EML3: variants seen among roughly 807,000 people sequenced by gnomAD.
EML3 encodes the protein echinoderm microtubule-associated protein-like 3.
A neutral mutation model predicts 106.7 loss-of-function variants in EML3; 53 were observed. The ratio of observed to expected loss-of-function variants is 0.50; its 90% CI spans 0.40 to 0.62. EML3 has a LOEUF of 0.62. EML3 is among the 20% of genes least tolerant of loss of function. The pLI is 0.00. For missense variants in EML3, 994 were observed against 1,209.1 expected, an observed-to-expected ratio of 0.82 and a Z score of 2.64; for synonymous variants, 499 against 489.6, an observed-to-expected ratio of 1.02 and a Z score of -0.25.
chr11:62,607,904 A>T, intron 10 of EML3, 83 bp from the exon 11 acceptor site: 1 of 1,521,222 alleles, frequency 6.6e-7, no homozygotes, highest in South Asian at 1.2e-5. Flanking sequence ...GCATCATGAC[A>T]GCTGGCTGGC....
intron 10 of EML3, 108 bp downstream of exon 10, chr11:62,608,093 T>C (rs2134382076): frequency 8.8e-7 from 1 of 1,135,768 alleles, no homozygotes; most frequent in Middle Eastern, 2.7e-4. Flanking sequence ...TTGCCCCATG[T>C]GACCCAGCCA....
rs768206799 is a variant in EML3 at position 62,611,147 on chromosome 11, G to A, written c.392C>T (p.Ala131Val). Reference sequence around the variant, plus strand: ...GATCCCCGGGGGGCCAGGGGAGCCAGCACCACTGCTGCTGCTGCCCCCTCC... The same window carrying A: ...GATCCCCGGGGGGCCAGGGGAGCCAACACCACTGCTGCTGCTGCCCCCTCC... Reference protein sequence around the residue: ...SEGGGSSSSGAGSPGPPGILR... With the variant: ...SEGGGSSSSGVGSPGPPGILR... Residue 131 changes from alanine to valine, a missense_variant, in exon 3 of 22, where the codon GCT (alanine) becomes GTT (valine). By Grantham distance (64) the Ala-to-Val change is moderately conservative. This residue lies in a region of EML3 where 269 missense variants were observed against 265.1 expected (regional missense o/e 1.01). Transcript: ENST00000394773. 6.2e-7 allele frequency: 1 copy of A among 1,600,762 alleles called. No individual in the cohort carries two copies. The highest frequency in any genetic ancestry group is 8.5e-7 in the Non-Finnish European group (1 of 1,178,336).
chr11:62,606,526 T>C, intron 12 of EML3: 2 of 413,702 alleles, frequency 4.8e-6, no homozygotes, highest in South Asian at 6.6e-5. Flanking sequence ...GCTTCTAGAC[T>C]AGCCCCCAAG....
In EML3 at chr11:62,606,087, C is replaced by T; in HGVS notation, c.1632G>A (p.Gly544=). 1 of 1,614,008 alleles carries T rather than the reference C, an allele frequency of 6.2e-7. No individual in the cohort carries two copies. The highest frequency in any genetic ancestry group is 8.5e-7 in the Non-Finnish European group (1 of 1,180,016). The part of the protein sequence containing the change: ...RDRRLVQWGP[G]LVALQEAEIP... ...CCTCAGCCTCCTGGAGGGCCACCAA[C>T]CCGGGCCCCCACTGTACCAGCCGGC... The change falls in exon 13 of 22, where the codon GGG becomes GGA. Residue 544 remains glycine (G), a synonymous_variant. Coordinates refer to ENST00000394773, the MANE Select transcript of EML3 (RefSeq NM_153265.3).
intron 4 of EML3, among the ~76,000 whole-genome samples, chr11:62,610,614 C>T (rs1942761458): frequency 6.6e-6 from 1 of 152,170 alleles, no homozygotes; most frequent in South Asian, 2.1e-4. Flanking sequence ...ATGACTTACC[C>T]TCTCTGAGCC....
In EML3 at chr11:62,605,531, G is replaced by A; in HGVS notation, c.1914+111C>T. On this transcript the variant is annotated intron_variant, in intron 15 of 21. Transcript: ENST00000394773. The surrounding 1 kb of genome is among the most constrained non-coding windows in gnomAD (Gnocchi z 5.2). ...TTGAGTAGCCAGTGCAGCCATACCAGTACAAACTGGCCACCTCTGGGAGGC... is the reference window on the plus strand; with the variant it reads ...TTGAGTAGCCAGTGCAGCCATACCAATACAAACTGGCCACCTCTGGGAGGC... 1 of 1,395,642 alleles carries A rather than the reference G, an allele frequency of 7.2e-7. No homozygotes were observed. The highest frequency in any genetic ancestry group is 2.4e-5 in the Admixed American group (1 of 42,240). 86.5% of individuals were successfully genotyped at this position (1,395,642 alleles called of 1,614,324 possible).
chr11:62,605,081 T>C lies in EML3; in HGVS notation c.1982+32A>G. On this transcript the variant is annotated intron_variant, in intron 16 of 21. Transcript: ENST00000394773. This position sits in a 1 kb window ranked among gnomAD's most constrained non-coding sequence, Gnocchi z 5.2. ...AGGAACCCTTCCCAGTCCTCCCTGC[T>C]TTCCCTCCTGGGAGTCCTGGCTCTC... 2.5e-6 allele frequency: 4 copies of C among 1,600,268 alleles called. No homozygotes were observed. In the East Asian group the frequency reaches 9.1e-5, roughly 36 times the overall value.
chr11:62,605,847 C>G lies in EML3; in HGVS notation c.1782+8G>C. 3.1e-6 allele frequency: 5 copies of G among 1,613,908 alleles called. No homozygotes were observed. Among genetic ancestry groups the G allele is most frequent in the Non-Finnish European group, 4.2e-6 (5 of 1,179,870 alleles). On this transcript the variant is annotated splice_region_variant and intron_variant, in intron 14 of 21. Transcript: ENST00000394773. This position sits in a 1 kb window ranked among gnomAD's most constrained non-coding sequence, Gnocchi z 5.2. ...GTCCCTTCCTCCCCTGAGCCCTTAACCCCCAACCTGGATTACAGGGGAGAA... is the reference window on the plus strand; with the variant it reads ...GTCCCTTCCTCCCCTGAGCCCTTAAGCCCCAACCTGGATTACAGGGGAGAA...
At position 62,602,543 on chromosome 11, in the gene EML3, C is replaced by T. The variant is rs1327726416; in HGVS notation, c.2623G>A (p.Ala875Thr). The T allele has an allele frequency of 3.0e-5, 45 of 1,487,866 alleles. No individual in the cohort carries two copies. Among genetic ancestry groups the T allele is most frequent in the Non-Finnish European group, 3.7e-5 (41 of 1,120,512 alleles). The allele number at this position is 1,487,866 out of a possible 1,614,324, so 92.2% of individuals were successfully genotyped here. A position where few individuals can be genotyped will look rare whatever the true frequency, so the allele number is the denominator to read the frequency against. The stretch of plus-strand genomic sequence containing the variant: ...GAGGGCGTGGCGGGCGCCGGCCCCG[C>T]GCCCCCAGCGCCCAGCACTCGCCAC... ...FQWRVLGAGG[A>T]GPAPATPSRT... Residue 875 changes from alanine (A) to threonine (T), a missense_variant, in exon 22 of 22, where the codon GCG becomes ACG. Around this residue, in one of 3 missense-constraint regions of EML3, gnomAD observed 713 missense variants for 920.5 expected, o/e 0.77. Transcript: ENST00000394773.
At chr11:62,603,652 AAC>A (rs1420141381) in intron 19 of EML3, 75 bp downstream of exon 19, 1 of 1,250,854 alleles carries the variant, frequency 8.0e-7, no homozygotes, top group African/African-American at 1.5e-5. Context: ...CTTATCTAAC[AAC>A]ACCTCTAACA....
In EML3 at chr11:62,602,265, A is replaced by G; in HGVS notation, c.*210T>C. ...GCCCCTCAGCAGGCAGCGGGAGTCA[A>G]GGCCTAGGCTGGGGCTGCCCGGCTC... On this transcript the variant is annotated 3_prime_UTR_variant, in exon 22 of 22. Transcript: ENST00000394773. 2.6e-6 allele frequency: 4 copies of G among 1,547,850 alleles called. No homozygotes were observed. The highest frequency in any genetic ancestry group is 3.5e-6 in the Non-Finnish European group (4 of 1,145,340).
rs1018179918 is a variant in EML3, at chr11:62,603,537, G to T, written c.2257+192C>A. Among the ~76,000 whole-genome samples the T allele has an allele frequency of 3.9e-4, 60 of 152,096 alleles. 1 individual carries two copies. The highest frequency in any genetic ancestry group is 1.2e-3 in the Admixed American group (19 of 15,272). Reference sequence around the variant, plus strand: ...AACAATCTTTTCTTAGCGCATTTTTGAACTCCCTCAAGTCAACAAGACATG... The same window carrying T: ...AACAATCTTTTCTTAGCGCATTTTTTAACTCCCTCAAGTCAACAAGACATG... On this transcript the variant is annotated intron_variant, in intron 19 of 21. Transcript: ENST00000394773.
Position 62,602,355 on chromosome 11 carries a change from G to C in EML3, c.*120C>G, listed in dbSNP as rs778814106. 96 of 1,551,212 alleles carry C rather than the reference G, an allele frequency of 6.2e-5. No individual in the cohort carries two copies. Among genetic ancestry groups the C allele is most frequent in the Middle Eastern group, 1.7e-4 (1 of 6,012 alleles). On this transcript the variant is annotated 3_prime_UTR_variant, in exon 22 of 22. Coordinates refer to ENST00000394773, the MANE Select transcript of EML3 (RefSeq NM_153265.3). ...GCGCCCTCCAGGAAAATGCGCGATC[G>C]GGAATGTCTCGAAGTCAGTCCAGGA...
Position 62,608,977 on chromosome 11 carries a change from G to T in EML3, c.914C>A (p.Thr305Lys). 6.2e-7 allele frequency: 1 copy of T among 1,613,902 alleles called. No homozygotes were observed. Among genetic ancestry groups the T allele is most frequent in the Non-Finnish European group, 8.5e-7 (1 of 1,180,006 alleles). The change falls in exon 7 of 22, where the codon ACA (threonine) becomes AAA (lysine). Residue 305 changes from threonine to lysine, a missense_variant. Coordinates refer to ENST00000394773, the MANE Select transcript of EML3 (RefSeq NM_153265.3). ...GACTCCTCACCATCGAACGCAGTCT[G>T]TGTGCCCCCGGTAATGTCTCTGGCC... ...GGGQRHYRGH[T>K]DCVRCLAVHP...
rs1590746137 is a variant in EML3, at chr11:62,605,553, A to G, written c.1914+89T>C. On this transcript the variant is annotated intron_variant, in intron 15 of 21. Coordinates refer to ENST00000394773, the MANE Select transcript of EML3 (RefSeq NM_153265.3). This position sits in a 1 kb window ranked among gnomAD's most constrained non-coding sequence, Gnocchi z 5.2. ...CCAGTACAAACTGGCCACCTCTGGG[A>G]GGCAGAAGGCAAGGTGCTGGGGAAG... 6.8e-7 allele frequency: 1 copy of G among 1,475,582 alleles called. No homozygotes were observed. The highest frequency in any genetic ancestry group is 2.3e-5 in the Admixed American group (1 of 42,674). The allele number at this position is 1,475,582 out of a possible 1,614,324, so 91.4% of individuals were successfully genotyped here. A position where few individuals can be genotyped will look rare whatever the true frequency, so the allele number is the denominator to read the frequency against.
chr11:62,610,497 TC>T (rs1942754736), intron 4 of EML3, among the ~76,000 whole-genome samples: 1 of 152,112 alleles, frequency 6.6e-6, no homozygotes. Flanking sequence ...TAGAAAAGCC[TC>T]TTGGGATCGC....
At position 62,605,915 on chromosome 11, in the gene EML3, T is replaced by G. The variant is rs1485172552; in HGVS notation, c.1722A>C (p.Gly574=). 4.3e-6 allele frequency: 7 copies of G among 1,614,062 alleles called. No homozygotes were observed. In the Admixed American group the frequency reaches 1.2e-4, roughly 27 times the overall value. The change falls in exon 14 of 22, where the codon GGA becomes GGC. Residue 574 remains glycine (G), a synonymous_variant. Coordinates refer to ENST00000394773, the MANE Select transcript of EML3 (RefSeq NM_153265.3). This position sits in a 1 kb window ranked among gnomAD's most constrained non-coding sequence, Gnocchi z 5.2. ...AEGLGSELLV[G]TTKNALLRGD... ...CCCTCAGCAATGCATTCTTCGTGGT[T>G]CCCACCAGCAGCTCAGAGCCAAGCC...
intron 1 of EML3, 101 bp from the exon 2 acceptor site, chr11:62,611,697 G>T: frequency 7.5e-7 from 1 of 1,337,196 alleles, no homozygotes; most frequent in Non-Finnish European, 1.0e-6. Context: ...CGGTAGGACT[G>T]CCCCTTTCAG....
chr11:62,603,875 C>T (rs1468102096), intron 18 of EML3, 59 bp from the exon 19 acceptor site: 4 of 1,611,660 alleles, frequency 2.5e-6, no homozygotes, highest in Non-Finnish European at 3.4e-6. Context: ...CCCAGAGCCC[C>T]CTTGATGCAT....
Sources: gnomAD v4.1 joint callset for allele counts (sites outside exome capture counted in the v4.1 genomes callset) on GRCh38, gnomAD v4.1.1 for gene constraint, gnomAD v4.1.1 regional missense constraint, Gnocchi (gnomAD v3.1) non-coding constraint, MANE v1.5 for transcripts, NCBI Gene and HGNC (gene_info 2026-07-23, HGNC 2026-07-21) for gene names.